COL13A1: variants seen among roughly 807,000 people sequenced by gnomAD.
COL13A1 encodes the protein collagen type XIII alpha 1 chain.
Under a neutral mutation model 130.9 loss-of-function variants are expected in COL13A1, and 89 were observed. That is an observed-to-expected ratio of 0.68 (90% CI 0.57 to 0.81). The LOEUF is 0.81. Ranked by LOEUF, COL13A1 falls within the 30% of genes least tolerant of loss-of-function variation. The probability of loss-of-function intolerance (pLI) is 0.00; values close to 1 mark genes in which losing one functional copy is unlikely to be tolerated. For missense variants in COL13A1, 879 were observed against 934.6 expected, an observed-to-expected ratio of 0.94 and a Z score of 0.78; for synonymous variants, 402 against 341.6, an observed-to-expected ratio of 1.18 and a Z score of -1.95.
intron 23 of COL13A1, 99 bp downstream of exon 23, chr10:69,922,893 T>G: frequency 1.3e-6 from 1 of 747,190 alleles, no homozygotes; most frequent in Non-Finnish European, 2.1e-6. Context: ...TCCCGCCTTC[T>G]CTAGCCTTCC....
At chr10:69,932,163 G>A (rs946881609) in intron 30 of COL13A1, among the ~76,000 whole-genome samples, 8 of 152,102 alleles carry the variant, frequency 5.3e-5, no homozygotes, top group Non-Finnish European at 8.8e-5. Context: ...CTGTGTGCAC[G>A]TGTGTTTGTG....
chr10:69,809,346 A>G (rs1697935532), intron 1 of COL13A1, among the ~76,000 whole-genome samples: 1 of 152,202 alleles, frequency 6.6e-6, no homozygotes, highest in African/African-American at 2.4e-5. Flanking sequence ...TTAGTAGCTG[A>G]TATTTATTGA....
chr10:69,907,754 G>A (rs1234244439), intron 17 of COL13A1, among the ~76,000 whole-genome samples: 1 of 151,644 alleles, frequency 6.6e-6, no homozygotes, highest in South Asian at 2.1e-4. Context: ...CCACACCCAT[G>A]ATAACTAACC....
chr10:69,856,352 G>GCCCT (rs1856436692), intron 2 of COL13A1, among the ~76,000 whole-genome samples: 1 of 152,144 alleles, frequency 6.6e-6, no homozygotes, highest in East Asian at 1.9e-4. Flanking sequence ...TCTCCACCAT[G>GCCCT]CCCTATCACA....
At chr10:69,874,762 T>C (rs2059416909) in intron 4 of COL13A1, among the ~76,000 whole-genome samples, 1 of 152,122 alleles carries the variant, frequency 6.6e-6, no homozygotes, top group Non-Finnish European at 1.5e-5. Context: ...TTGCGTTTGA[T>C]AAAGATGAGG....
At chr10:69,914,722 G>A (rs1003191792) in intron 17 of COL13A1, among the ~76,000 whole-genome samples, 2 of 152,208 alleles carry the variant, frequency 1.3e-5, no homozygotes, top group African/African-American at 4.8e-5. Flanking sequence ...ATGCTAGCAG[G>A]GGACCCTCCA....
In COL13A1 at chr10:69,914,392, G is replaced by A. The variant is rs567396673; in HGVS notation, c.922-2897G>A. Reference sequence around the variant, plus strand: ...GCAGGGGAGCAGAGAAAGGGCTGGGGTGGGTGGGAAGAGACAGGAGCACCA... The same window carrying A: ...GCAGGGGAGCAGAGAAAGGGCTGGGATGGGTGGGAAGAGACAGGAGCACCA... On this transcript the variant is annotated intron_variant, in intron 17 of 40. Transcript: ENST00000645393. 5.9e-5 allele frequency among the ~76,000 whole-genome samples: 9 copies of A among 152,164 alleles called. No individual in the cohort carries two copies. In the South Asian group the frequency reaches 1.0e-3, roughly 18 times the overall value.
chr10:69,925,633 T>C (rs1589560524), intron 25 of COL13A1, among the ~76,000 whole-genome samples, 171 bp from the exon 26 acceptor site: 1 of 152,204 alleles, frequency 6.6e-6, no homozygotes, highest in East Asian at 1.9e-4. Context: ...TGTTCTGCAA[T>C]CCCCGAGCAT....
chr10:69,923,665 T>TG, intron 23 of COL13A1, 137 bp from the exon 24 acceptor site: 2 of 1,084,922 alleles, frequency 1.8e-6, no homozygotes, highest in Non-Finnish European at 2.6e-6. Flanking sequence ...GGTGGAAGAG[T>TG]GGGAGGTGCA....
intron 2 of COL13A1, among the ~76,000 whole-genome samples, chr10:69,833,283 C>A (rs1849243565): frequency 6.6e-6 from 1 of 152,216 alleles, no homozygotes; most frequent in African/African-American, 2.4e-5. Context: ...TGGGCAGTTA[C>A]AATAACTGGA....
At chr10:69,822,541 T>C in intron 2 of COL13A1, 103 bp downstream of exon 2, 1 of 864,816 alleles carries the variant, frequency 1.2e-6, no homozygotes, top group Non-Finnish European at 1.7e-6. Flanking sequence ...AGGCCGTCAC[T>C]TTTCATTTGA....
chr10:69,880,869 G>A (rs571684469), intron 7 of COL13A1, among the ~76,000 whole-genome samples: 3 of 152,364 alleles, frequency 2.0e-5, no homozygotes, highest in African/African-American at 4.8e-5. Flanking sequence ...GCTCTCCTCC[G>A]GATGGGGTGA....
At chr10:69,851,885 C>T (rs767942454) in intron 2 of COL13A1, among the ~76,000 whole-genome samples, 1 of 152,178 alleles carries the variant, frequency 6.6e-6, no homozygotes, top group Non-Finnish European at 1.5e-5. Flanking sequence ...GAACTTCTGA[C>T]CTCAGGTGAT....
At chr10:69,936,585 A>T (rs2066951234) in intron 32 of COL13A1, among the ~76,000 whole-genome samples, 171 bp from the exon 33 acceptor site, 1 of 152,038 alleles carries the variant, frequency 6.6e-6, no homozygotes. Context: ...ATTCCCTAGG[A>T]AGCCCCAAGC....
At chr10:69,830,015 A>T (rs1848441107) in intron 2 of COL13A1, among the ~76,000 whole-genome samples, 1 of 152,196 alleles carries the variant, frequency 6.6e-6, no homozygotes, top group Admixed American at 6.5e-5. Context: ...TTTGTAGGGA[A>T]ATAAAAATAA....
At chr10:69,892,645 A>G (rs2061294375) in intron 10 of COL13A1, among the ~76,000 whole-genome samples, 1 of 152,196 alleles carries the variant, frequency 6.6e-6, no homozygotes, top group Non-Finnish European at 1.5e-5. Flanking sequence ...GGCGGTTAGC[A>G]CAGGCCTGCT....
Position 69,802,486 on chromosome 10 carries a change from C to A in COL13A1, c.63C>A (p.Gly21=). The change falls in exon 1 of 41, where the codon GGC becomes GGA. Residue 21 remains glycine, a synonymous_variant. Transcript: ENST00000645393. ...GTGCCCGCGGCCCTGGGGAGTTGGG[C>A]GCGCCCGGGACGGTGGCTCTGGTGG... is the stretch of plus-strand genomic sequence containing the variant. ...ATGARGPGEL[G]APGTVALVAA... The A allele has an allele frequency of 2.0e-6, 3 of 1,520,758 alleles. No homozygotes were observed. The highest frequency in any genetic ancestry group is 2.6e-6 in the Non-Finnish European group (3 of 1,137,360). The allele number at this position is 1,520,758 out of a possible 1,614,324, so 94.2% of individuals were successfully genotyped here.
chr10:69,900,731 G>A (rs1336382801), intron 14 of COL13A1, among the ~76,000 whole-genome samples: 1 of 152,208 alleles, frequency 6.6e-6, no homozygotes, highest in African/African-American at 2.4e-5. Flanking sequence ...TTTCCAAAGA[G>A]CAGAAAGTGT....
chr10:69,877,519 G>C (rs1462135717), intron 5 of COL13A1: 1 of 160,766 alleles, frequency 6.2e-6, no homozygotes, highest in Non-Finnish European at 1.4e-5. Flanking sequence ...CACAGTCCTG[G>C]GGCAATTCCC....
Sources: allele counts gnomAD v4.1 joint callset (sites outside exome capture counted in the v4.1 genomes callset), GRCh38; gene constraint gnomAD v4.1.1; transcripts MANE v1.5; gene names NCBI Gene and HGNC (gene_info 2026-07-23, HGNC 2026-07-21).